The following SCN2B variants were observed in gnomAD, a reference collection of about 807,000 sequenced individuals.
SCN2B encodes the protein sodium channel regulatory subunit beta-2.
Under a neutral mutation model 18.2 loss-of-function variants are expected in SCN2B, and 14 were observed. That is an observed-to-expected ratio of 0.77 (90% CI 0.51 to 1.21). The LOEUF (loss-of-function observed/expected upper bound fraction) is 1.21, where lower values mean the gene tolerates loss of function less well. SCN2B is among the 50% of genes most tolerant of loss of function. The pLI is 0.00. For missense variants in SCN2B, 262 were observed against 286.9 expected (o/e 0.91, Z 0.63); for synonymous variants, 115 against 115.3 (o/e 1.00, Z 0.02).
rs117916739 is a variant in SCN2B, at chr11:118,168,936, C to T, written c.71-185G>A. ...GTTATTTGCAACAGGGTCTCTGTTG[C>T]CCAAGCTGGAGTGCAGTGGCGCAAT... On this transcript the variant is annotated intron_variant, in intron 1 of 3. Transcript: ENST00000278947. This position sits in a 1 kb window ranked among gnomAD's most constrained non-coding sequence, Gnocchi z 4.7. 8.9e-4 allele frequency among the ~76,000 whole-genome samples: 136 copies of T among 152,238 alleles called. No homozygotes were observed. In the East Asian group the frequency reaches 0.019, roughly 21 times the overall value.
chr11:118,166,877 C>T lies in SCN2B; in HGVS notation c.*10G>A, dbSNP rs749428739. The stretch of plus-strand genomic sequence containing the variant: ...GACGGGACACGGGAGGCTGCAGGGC[C>T]GGCCACCCACTACTTGGCGCCATCA... On this transcript the variant is annotated 3_prime_UTR_variant, in exon 4 of 4. Transcript: ENST00000278947. 1.3e-5 allele frequency: 21 copies of T among 1,613,556 alleles called. No individual in the cohort carries two copies. The East Asian group carries it at 1.3e-4, about 10-fold the overall frequency.
Position 118,168,774 on chromosome 11 carries a change from G to C in SCN2B, c.71-23C>G. The stretch of plus-strand genomic sequence containing the variant: ...GCACTGCAGATGAAGCCACAAGCTG[G>C]TGAGGAGTCTGGCTGAAAGGGCTGG... On this transcript the variant is annotated intron_variant, in intron 1 of 3. Coordinates refer to ENST00000278947, the MANE Select transcript of SCN2B (RefSeq NM_004588.5). This position sits in a 1 kb window ranked among gnomAD's most constrained non-coding sequence, Gnocchi z 4.7. 2 of 1,613,954 alleles carry C rather than the reference G, an allele frequency of 1.2e-6. No homozygotes were observed. The highest frequency in any genetic ancestry group is 1.7e-6 in the Non-Finnish European group (2 of 1,180,008).
rs1948362406 is a variant in SCN2B, at chr11:118,164,646, T to C, written c.*2241A>G. 6.5e-6 allele frequency: 1 copy of C among 152,724 alleles called. No homozygotes were observed. The highest frequency in any genetic ancestry group is 6.5e-5 in the Admixed American group (1 of 15,290). The allele number at this position is 152,724 out of a possible 1,614,324, so 9.5% of individuals were successfully genotyped here. On this transcript the variant is annotated 3_prime_UTR_variant, in exon 4 of 4. Coordinates refer to ENST00000278947, the MANE Select transcript of SCN2B (RefSeq NM_004588.5). Reference sequence around the variant, plus strand: ...GCACAGATTCTAGAATCTCTTCATCTTCCCCAACTGTAGCCTTGGAAGCAG... The same window carrying C: ...GCACAGATTCTAGAATCTCTTCATCCTCCCCAACTGTAGCCTTGGAAGCAG...
Position 118,163,783 on chromosome 11 carries a change from C to A in SCN2B, c.*3104G>T, listed in dbSNP as rs1285875170. The A allele has an allele frequency of 6.6e-6, 1 of 152,262 alleles. No individual in the cohort carries two copies. The highest frequency in any genetic ancestry group is 1.5e-5 in the Non-Finnish European group (1 of 68,044). The allele number at this position is 152,262 out of a possible 1,614,324, so 9.4% of individuals were successfully genotyped here. On this transcript the variant is annotated 3_prime_UTR_variant, in exon 4 of 4. Transcript: ENST00000278947. ...AACCAGAAGTGGGGCTCGAACCCCA[C>A]GGTAGGAAGAGGAAGAACTTGTCAG...
intron 1 of SCN2B, among the ~76,000 whole-genome samples, chr11:118,174,091 C>CTTTTTTTTTTTTTTTTTTT (rs1162918445): frequency 1.5e-5 from 1 of 66,662 alleles, no homozygotes; most frequent in Non-Finnish European, 2.6e-5. Context: ...TTTTTCTTTT[C>CTTTTTTTTTTTTTTTTTTT]TTTTTTTTTT....
chr11:118,175,548 A>G (rs917721829), intron 1 of SCN2B, among the ~76,000 whole-genome samples: 28 of 152,238 alleles, frequency 1.8e-4, no homozygotes, highest in African/African-American at 6.0e-4. Flanking sequence ...ATGAAACTCT[A>G]CAAAGCAGGC....
intron 1 of SCN2B, 47 bp downstream of exon 1, chr11:118,176,315 G>A (rs8192612): frequency 1.3e-6 from 2 of 1,514,700 alleles, no homozygotes; most frequent in Non-Finnish European, 1.8e-6. Flanking sequence ...TTCACATTGC[G>A]GCTACACTTC....
At position 118,168,991 on chromosome 11, in the gene SCN2B, G is replaced by A. The variant is rs1251319103; in HGVS notation, c.71-240C>T. ...ACTCACTGCAGCCTAGACCTGCTGG[G>A]CTCAGGTGATCCTCTCACCTCAGCC... On this transcript the variant is annotated intron_variant, in intron 1 of 3. Coordinates refer to ENST00000278947, the MANE Select transcript of SCN2B (RefSeq NM_004588.5). The surrounding 1 kb of genome is among the most constrained non-coding windows in gnomAD (Gnocchi z 4.7). Among the ~76,000 whole-genome samples the A allele has an allele frequency of 1.3e-5, 2 of 152,236 alleles. No homozygotes were observed. The highest frequency in any genetic ancestry group is 3.9e-4 in the East Asian group (2 of 5,174).
intron 3 of SCN2B, among the ~76,000 whole-genome samples, chr11:118,167,480 T>A (rs938596429): frequency 3.3e-5 from 5 of 152,202 alleles, no homozygotes; most frequent in African/African-American, 1.2e-4. Flanking sequence ...AGATAATGCA[T>A]AAACAGAGCT....
At chr11:118,169,755 T>G (rs1948415092) in intron 1 of SCN2B, among the ~76,000 whole-genome samples, 1 of 151,812 alleles carries the variant, frequency 6.6e-6, no homozygotes, top group South Asian at 2.1e-4. Flanking sequence ...AGAGTCCTAT[T>G]AGGAACACCA....
intron 1 of SCN2B, among the ~76,000 whole-genome samples, chr11:118,175,243 C>T (rs1948460245): frequency 1.3e-5 from 2 of 152,232 alleles, no homozygotes; most frequent in Non-Finnish European, 2.9e-5. Flanking sequence ...AACTGAAGCT[C>T]AGAGGGGTTG....
Position 118,166,737 on chromosome 11 carries a change from G to A in SCN2B, c.*150C>T. The A allele has an allele frequency of 1.2e-6, 1 of 812,962 alleles. No homozygotes were observed. Among genetic ancestry groups the A allele is most frequent in the South Asian group, 1.4e-5 (1 of 69,184 alleles). The allele number at this position is 812,962 out of a possible 1,614,324, so 50.4% of individuals were successfully genotyped here. ...AGTGGGTCACTCTTGGTGCAGGGTGGGAGATACGAAGTCGGGGGTTCAGGA... is the reference window on the plus strand; with the variant it reads ...AGTGGGTCACTCTTGGTGCAGGGTGAGAGATACGAAGTCGGGGGTTCAGGA... On this transcript the variant is annotated 3_prime_UTR_variant, in exon 4 of 4. Transcript: ENST00000278947.
rs1328283548 is a variant in SCN2B, at chr11:118,164,511, G to T, written c.*2376C>A. On this transcript the variant is annotated 3_prime_UTR_variant, in exon 4 of 4. Coordinates refer to ENST00000278947, the MANE Select transcript of SCN2B (RefSeq NM_004588.5). ...GGCTTGACTCGCTCACCTCACCCAGGTGTTACCAGGCTGGTTGCCCATCCC... is the reference window on the plus strand; with the variant it reads ...GGCTTGACTCGCTCACCTCACCCAGTTGTTACCAGGCTGGTTGCCCATCCC... The T allele has an allele frequency of 6.5e-6, 1 of 153,106 alleles. No homozygotes were observed. The highest frequency in any genetic ancestry group is 1.5e-5 in the Non-Finnish European group (1 of 68,346). The allele number at this position is 153,106 out of a possible 1,614,324, so 9.5% of individuals were successfully genotyped here.
chr11:118,176,330 C>A (rs200138080), intron 1 of SCN2B, 32 bp downstream of exon 1: 5 of 1,593,488 alleles, frequency 3.1e-6, no homozygotes, highest in South Asian at 2.2e-5. Context: ...CACTTCTGAA[C>A]CCTCGGGAGC....
chr11:118,176,503 A>T lies in SCN2B; in HGVS notation c.-72T>A. 1 of 1,125,484 alleles carries T rather than the reference A, an allele frequency of 8.9e-7. No individual in the cohort carries two copies. Among genetic ancestry groups the T allele is most frequent in the East Asian group, 2.3e-5 (1 of 42,648 alleles). 69.7% of individuals were successfully genotyped at this position (1,125,484 alleles called of 1,614,324 possible). A position where few individuals can be genotyped will look rare whatever the true frequency, so the allele number is the denominator to read the frequency against. ...TTTGAGGGGGCGAGAACTACAAGGG[A>T]GGAATGGTTGGATGCTAAAAAAAAA... On this transcript the variant is annotated 5_prime_UTR_variant, in exon 1 of 4. Coordinates refer to ENST00000278947, the MANE Select transcript of SCN2B (RefSeq NM_004588.5).
chr11:118,166,569 C>G lies in SCN2B; in HGVS notation c.*318G>C. 2.3e-6 allele frequency: 1 copy of G among 434,432 alleles called. No homozygotes were observed. The highest frequency in any genetic ancestry group is 4.3e-6 in the Non-Finnish European group (1 of 231,810). The allele number at this position is 434,432 out of a possible 1,614,324, so 26.9% of individuals were successfully genotyped here. On this transcript the variant is annotated 3_prime_UTR_variant, in exon 4 of 4. Coordinates refer to ENST00000278947, the MANE Select transcript of SCN2B (RefSeq NM_004588.5). ...GGTGGACAGCGGCCCCCTCCTCTAC[C>G]CCTGCCCACCCACTCCCTTCTCTCT...
Position 118,167,616 on chromosome 11 carries a change from G to T in SCN2B, c.448+469C>A, listed in dbSNP as rs182652043. ...CTGTTGCCCAAGCTGGAGTGCAGTG[G>T]CACAATCATGATTCACTGCAGCCTC... On this transcript the variant is annotated intron_variant, in intron 3 of 3. Coordinates refer to ENST00000278947, the MANE Select transcript of SCN2B (RefSeq NM_004588.5). Among the ~76,000 whole-genome samples, 114 of 152,296 alleles carry T rather than the reference G, an allele frequency of 7.5e-4. 1 individual carries two copies. The South Asian group carries it at 0.012, about 16-fold the overall frequency.
rs1948357995 is a variant in SCN2B at position 118,164,267 on chromosome 11, C to G, written c.*2620G>C. On this transcript the variant is annotated 3_prime_UTR_variant, in exon 4 of 4. Coordinates refer to ENST00000278947, the MANE Select transcript of SCN2B (RefSeq NM_004588.5). ...GAGAGAAGGACACTTAAAGGGTGAC[C>G]AAAAAAATGAAATCTGCAAGCTGCA... The G allele has an allele frequency of 6.6e-6, 1 of 152,502 alleles. No homozygotes were observed. Among genetic ancestry groups the G allele is most frequent in the African/African-American group, 2.4e-5 (1 of 41,412 alleles). The allele number at this position is 152,502 out of a possible 1,614,324, so 9.4% of individuals were successfully genotyped here. A position where few individuals can be genotyped will look rare whatever the true frequency, so the allele number is the denominator to read the frequency against.
At position 118,166,979 on chromosome 11, in the gene SCN2B, T is replaced by C. The variant is rs755641138; in HGVS notation, c.556A>G (p.Lys186Glu). The C allele has an allele frequency of 3.1e-6, 5 of 1,614,078 alleles. No homozygotes were observed. Among genetic ancestry groups the C allele is most frequent in the Middle Eastern group, 1.6e-4 (1 of 6,062 alleles). ...VLMVVKCVRR[K>E]KEQKLSTDDL... ...TCTGTGCTCAGCTTCTGCTCTTTTT[T>C]TCTCCTCACACACTTGACCACCATC... is the stretch of plus-strand genomic sequence containing the variant. The change falls in exon 4 of 4, where the codon AAA (lysine) becomes GAA (glutamate). Residue 186 changes from lysine (K) to glutamate (E), a missense_variant. Physicochemically the swap from Lys to Glu is moderately conservative, Grantham distance 56. Transcript: ENST00000278947.
Sources: gnomAD v4.1 joint callset for allele counts (sites outside exome capture counted in the v4.1 genomes callset) on GRCh38, gnomAD v4.1.1 for gene constraint, Gnocchi (gnomAD v3.1) non-coding constraint, MANE v1.5 for transcripts, NCBI Gene and HGNC (gene_info 2026-07-23, HGNC 2026-07-21) for gene names.